The following LRBA variants were observed in gnomAD, a reference collection of about 807,000 sequenced individuals.
LRBA encodes the protein LPS responsive beige-like anchor protein, also known as lipopolysaccharide-responsive and beige-like anchor protein.
Under a neutral mutation model 330.0 loss-of-function variants are expected in LRBA, and 176 were observed. The observed-to-expected ratio is 0.53, with a 90% confidence interval of 0.47 to 0.60. The LOEUF (loss-of-function observed/expected upper bound fraction) is 0.60. LRBA is among the 20% of genes least tolerant of loss of function. The probability of loss-of-function intolerance (pLI) is 0.00; values close to 1 mark genes in which losing one functional copy is unlikely to be tolerated. For missense variants in LRBA, 3,259 were observed against 3,444.8 expected, an observed-to-expected ratio of 0.95 and a Z score of 1.35; for synonymous variants, 1,230 against 1,193.0, an observed-to-expected ratio of 1.03 and a Z score of -0.64.
intron 48 of LRBA, among the ~76,000 whole-genome samples, chr4:150,342,155 C>T (rs183802606): frequency 2.0e-5 from 3 of 151,580 alleles, no homozygotes; most frequent in Admixed American, 6.6e-5. Flanking sequence ...TTCTTCTTTC[C>T]TTGGGTTTTA....
rs529898846 is a variant in LRBA at position 150,444,927 on chromosome 4, C to T, written c.6781-8063G>A. On this transcript the variant is annotated intron_variant, in intron 44 of 56. Transcript: ENST00000651943. The stretch of plus-strand genomic sequence containing the variant: ...AAGTAATTTTTCTACAGGTGTTTAT[C>T]TCATTTTGAGAAAATCACATAAACT... Among the ~76,000 whole-genome samples the T allele has an allele frequency of 6.6e-5, 10 of 152,188 alleles. No individual in the cohort carries two copies. In the South Asian group the frequency reaches 2.1e-3, roughly 32 times the overall value.
At chr4:150,299,682 A>G (rs1420018296) in intron 53 of LRBA, among the ~76,000 whole-genome samples, 1 of 152,026 alleles carries the variant, frequency 6.6e-6, no homozygotes, top group Non-Finnish European at 1.5e-5. Flanking sequence ...TTATGACCCT[A>G]GAAAGTAAAA....
chr4:150,700,392 G>C (rs1430701919), intron 36 of LRBA, among the ~76,000 whole-genome samples: 1 of 152,078 alleles, frequency 6.6e-6, no homozygotes, highest in East Asian at 1.9e-4. Flanking sequence ...CACAGAAAAG[G>C]TATGGTAAAA....
chr4:150,267,180 A>G (rs1745456733), intron 56 of LRBA, among the ~76,000 whole-genome samples: 1 of 152,222 alleles, frequency 6.6e-6, no homozygotes. Flanking sequence ...ACAATACGAT[A>G]AGCCAACTGG....
intron 17 of LRBA, among the ~76,000 whole-genome samples, chr4:150,887,612 C>CA (rs753274116): frequency 2.6e-5 from 4 of 151,258 alleles, no homozygotes; most frequent in Non-Finnish European, 4.4e-5. Context: ...ACTAAAAATA[C>CA]AAAAAAATTA....
chr4:150,803,073 A>ATATATAT (rs1553964864), intron 33 of LRBA, among the ~76,000 whole-genome samples: 96 of 33,676 alleles, frequency 2.9e-3, no homozygotes, highest in African/African-American at 4.9e-3. Flanking sequence ...AAACAAAAAA[A>ATATATAT]AAATATATAT....
rs111479444 is a variant in LRBA, at chr4:151,011,368, C to T, written c.216+3059G>A. Among the ~76,000 whole-genome samples the T allele has an allele frequency of 8.3e-3, 1,256 of 152,110 alleles. 19 individuals carry two copies. Among genetic ancestry groups the T allele is most frequent in the African/African-American group, 0.027 (1,116 of 41,512 alleles). ...AATTCCAGCACTTCAGGAGGCTGAA[C>T]GGGTGGATCACCTGAGGTCAAGATT... On this transcript the variant is annotated intron_variant, in intron 2 of 56. Coordinates refer to ENST00000651943, the MANE Select transcript of LRBA (RefSeq NM_001364905.1).
chr4:150,466,281 T>C (rs1349973067), intron 44 of LRBA, among the ~76,000 whole-genome samples: 2 of 142,420 alleles, frequency 1.4e-5, no homozygotes, highest in South Asian at 2.1e-4. Flanking sequence ...AATGAGTAAA[T>C]AAGAGAACAC....
At chr4:150,785,468 C>T (rs1738913113) in intron 34 of LRBA, among the ~76,000 whole-genome samples, 1 of 152,140 alleles carries the variant, frequency 6.6e-6, no homozygotes, top group South Asian at 2.1e-4. Flanking sequence ...CAAGAACAGT[C>T]TAGCTTTTGG....
chr4:151,000,593 G>C (rs1464088937), intron 2 of LRBA, among the ~76,000 whole-genome samples: 1 of 152,190 alleles, frequency 6.6e-6, no homozygotes, highest in African/African-American at 2.4e-5. Flanking sequence ...CATATACGTA[G>C]AGCATGGATA....
intron 17 of LRBA, among the ~76,000 whole-genome samples, chr4:150,881,520 G>A (rs994843821): frequency 1.3e-5 from 2 of 152,064 alleles, no homozygotes; most frequent in African/African-American, 4.8e-5. Flanking sequence ...CTACAAGAAG[G>A]AGAGAAGGAA....
intron 40 of LRBA, among the ~76,000 whole-genome samples, chr4:150,568,142 CAATA>C (rs934778126): frequency 4.0e-5 from 6 of 151,658 alleles, no homozygotes; most frequent in Non-Finnish European, 5.9e-5. Flanking sequence ...CCCGTCTCTA[CAATA>C]AATAAATAAA....
intron 2 of LRBA, chr4:151,014,073 A>C (rs1475517556): frequency 5.7e-6 from 1 of 175,304 alleles, no homozygotes; most frequent in Non-Finnish European, 1.2e-5. Flanking sequence ...GGTCACAAGA[A>C]ATTATTTAAA....
At chr4:150,690,471 C>A (rs2126948934) in intron 36 of LRBA, among the ~76,000 whole-genome samples, 1 of 149,522 alleles carries the variant, frequency 6.7e-6, no homozygotes, top group South Asian at 2.1e-4. Flanking sequence ...CCACTGCACT[C>A]CAGCCTGGCA....
chr4:150,419,328 G>A (rs971309754), intron 46 of LRBA, among the ~76,000 whole-genome samples: 1 of 152,080 alleles, frequency 6.6e-6, no homozygotes, highest in African/African-American at 2.4e-5. Flanking sequence ...CATCAGAGCT[G>A]CCTGCCTTCG....
At chr4:150,467,327 AATGTAC>A (rs1297898496) in intron 44 of LRBA, among the ~76,000 whole-genome samples, 1 of 152,132 alleles carries the variant, frequency 6.6e-6, no homozygotes, top group Admixed American at 6.6e-5. Flanking sequence ...TTTTCTCTGC[AATGTAC>A]CACTGGATAC....
intron 2 of LRBA, among the ~76,000 whole-genome samples, chr4:151,009,378 G>A (rs903263787): frequency 2.6e-5 from 4 of 151,678 alleles, no homozygotes; most frequent in East Asian, 2.0e-4. Flanking sequence ...GTGAAACCCC[G>A]TCTCTACTAA....
intron 47 of LRBA, among the ~76,000 whole-genome samples, chr4:150,363,375 AT>A (rs1464317597): frequency 6.6e-6 from 1 of 151,994 alleles, no homozygotes; most frequent in Non-Finnish European, 1.5e-5. Flanking sequence ...ATATATATTT[AT>A]TCTCTCTCTT....
chr4:150,372,762 T>TTTTTTTTTTTTTTTTTTTTGAGACGG (rs1554011252), intron 47 of LRBA, among the ~76,000 whole-genome samples: 2 of 144,200 alleles, frequency 1.4e-5, no homozygotes, highest in African/African-American at 2.5e-5. Context: ...AGTAAGTTCT[T>TTTTTTTTTTTTTTTTTTTTGAGACGG]ACTAGATATT....
Sources: gnomAD v4.1 joint callset for allele counts (sites outside exome capture counted in the v4.1 genomes callset) on GRCh38, gnomAD v4.1.1 for gene constraint, MANE v1.5 for transcripts, NCBI Gene and HGNC (gene_info 2026-07-23, HGNC 2026-07-21) for gene names.